Variants in KLF12 observed in about 807,000 individuals in gnomAD.
KLF12 encodes the protein Krueppel-like factor 12.
KLF12 carries 9 observed loss-of-function variants against 37.8 expected under a neutral mutation model. The observed-to-expected ratio is 0.24, with a 90% CI of 0.14 to 0.42. KLF12 has a LOEUF of 0.42. Ranked by LOEUF, KLF12 falls within the 10% of genes least tolerant of loss-of-function variation. KLF12 has a pLI of 1.00. For missense variants in KLF12, 411 were observed against 516.0 expected (o/e 0.80, Z 1.97); for synonymous variants, 208 against 202.1 (o/e 1.03, Z -0.25).
chr13:74,251,668 G>C, the KLF12 span, among the ~76,000 whole-genome samples: 1 of 152,072 alleles, frequency 6.6e-6, no homozygotes. Flanking sequence ...TGGCTCCCCA[G>C]TTGGCTGACT....
chr13:74,028,403 C>T (rs889134908), intron 1 of KLF12, among the ~76,000 whole-genome samples: 20 of 152,102 alleles, frequency 1.3e-4, no homozygotes, highest in Admixed American at 3.3e-4. Context: ...AAATGACCTG[C>T]GTATGCAGAA....
chr13:74,092,449 C>A (rs1344551756), intron 1 of KLF12, among the ~76,000 whole-genome samples: 1 of 137,738 alleles, frequency 7.3e-6, no homozygotes, highest in Non-Finnish European at 1.6e-5. Flanking sequence ...CATGGTGAAA[C>A]CCCGTCTCTA....
chr13:74,060,501 T>C (rs973694683), intron 1 of KLF12, among the ~76,000 whole-genome samples: 1 of 147,594 alleles, frequency 6.8e-6, no homozygotes, highest in Non-Finnish European at 1.5e-5. Flanking sequence ...TGTGTGTGTG[T>C]GTGTGTGTGT....
intron 1 of KLF12, among the ~76,000 whole-genome samples, chr13:74,036,214 T>C (rs544048021): frequency 6.6e-6 from 1 of 152,306 alleles, no homozygotes; most frequent in Non-Finnish European, 1.5e-5. Flanking sequence ...TACTTAAATA[T>C]TCCATGGCCT....
At chr13:73,753,165 C>A (rs1338839015) in intron 6 of KLF12, among the ~76,000 whole-genome samples, 1 of 152,150 alleles carries the variant, frequency 6.6e-6, no homozygotes, top group Admixed American at 6.5e-5. Flanking sequence ...CCGTCCCACC[C>A]AGACTGCGGA....
chr13:74,209,654 A>G, the KLF12 span, among the ~76,000 whole-genome samples: 6 of 152,128 alleles, frequency 3.9e-5, no homozygotes, highest in Admixed American at 3.3e-4. Flanking sequence ...TCTTAGGACT[A>G]TGATTGTAAA....
chr13:74,111,181 GAAT>G (rs1876954601), intron 1 of KLF12, among the ~76,000 whole-genome samples: 2 of 150,360 alleles, frequency 1.3e-5, no homozygotes, highest in African/African-American at 2.4e-5. Context: ...AGAATAATAA[GAAT>G]AATATAAGTT....
chr13:73,752,801 C>T (rs1318941774), intron 6 of KLF12, among the ~76,000 whole-genome samples: 1 of 150,820 alleles, frequency 6.6e-6, no homozygotes, highest in South Asian at 2.1e-4. Flanking sequence ...ACTGTAACCT[C>T]TGCCTCCCGG....
intron 2 of KLF12, among the ~76,000 whole-genome samples, chr13:73,968,703 A>C (rs1891240923): frequency 6.6e-6 from 1 of 152,152 alleles, no homozygotes; most frequent in Admixed American, 6.6e-5. Flanking sequence ...ATTTTTGCAA[A>C]CTCCACGAGG....
chr13:74,012,217 A>T lies in KLF12; in HGVS notation c.-31-17164T>A, dbSNP rs181233231. ...TACCTAATTTTTATCTCACCAGATT[A>T]TCAACCTTTAGTTCTTAGAAAATTC... On this transcript the variant is annotated intron_variant, in intron 1 of 7. Transcript: ENST00000377669. Among the ~76,000 whole-genome samples, 382 of 152,332 alleles carry T rather than the reference A, an allele frequency of 2.5e-3. 3 individuals are homozygous for T. Among genetic ancestry groups the T allele is most frequent in the Non-Finnish European group, 3.8e-3 (261 of 68,036 alleles).
At chr13:73,759,698 G>C (rs564014944) in intron 6 of KLF12, among the ~76,000 whole-genome samples, 2 of 152,284 alleles carry the variant, frequency 1.3e-5, no homozygotes, top group East Asian at 3.9e-4. Context: ...TTTATGCCTA[G>C]GTTTGGCATG....
chr13:73,879,852 A>C (rs1376191521), intron 3 of KLF12, among the ~76,000 whole-genome samples: 1 of 152,202 alleles, frequency 6.6e-6, no homozygotes, highest in African/African-American at 2.4e-5. Flanking sequence ...CAGCAGAGCA[A>C]GAGTCTTTGT....
At chr13:73,795,751 C>G (rs1267222960) in intron 5 of KLF12, among the ~76,000 whole-genome samples, 1 of 152,068 alleles carries the variant, frequency 6.6e-6, no homozygotes, top group Non-Finnish European at 1.5e-5. Flanking sequence ...AGGACTGTTA[C>G]AAAAGAAAAG....
the KLF12 span, among the ~76,000 whole-genome samples, chr13:74,217,305 A>G: frequency 9.7e-5 from 14 of 145,018 alleles, no homozygotes; most frequent in Admixed American, 9.5e-4. Flanking sequence ...GTGGCATAAT[A>G]GATGACTTTT....
At chr13:73,781,693 G>A (rs1245988452) in intron 5 of KLF12, among the ~76,000 whole-genome samples, 1 of 152,162 alleles carries the variant, frequency 6.6e-6, no homozygotes, top group Non-Finnish European at 1.5e-5. Flanking sequence ...GAAAGCAAGT[G>A]TCTTGACAGA....
At chr13:74,238,151 G>C in the KLF12 span, among the ~76,000 whole-genome samples, 12 of 132,242 alleles carry the variant, frequency 9.1e-5, 1 homozygote, top group South Asian at 2.3e-4. Flanking sequence ...TAGCATGAAG[G>C]GTTGTTGAAT....
chr13:73,909,087 G>A (rs546186909), intron 3 of KLF12, among the ~76,000 whole-genome samples: 9 of 152,262 alleles, frequency 5.9e-5, no homozygotes, highest in East Asian at 5.8e-4. Flanking sequence ...ACAACAATAC[G>A]TACTTGCTGA....
intron 5 of KLF12, among the ~76,000 whole-genome samples, chr13:73,784,640 T>C (rs1881200371): frequency 6.6e-6 from 1 of 150,842 alleles, no homozygotes; most frequent in Non-Finnish European, 1.5e-5. Flanking sequence ...CCTTTTTTTT[T>C]TTTTTTTTGA....
At chr13:74,152,387 A>G in the KLF12 span, among the ~76,000 whole-genome samples, 1 of 152,108 alleles carries the variant, frequency 6.6e-6, no homozygotes, top group Non-Finnish European at 1.5e-5. Flanking sequence ...CCTCTCAAAC[A>G]TTAGCTTTTA....
Sources: gnomAD v4.1 joint callset for allele counts (sites outside exome capture counted in the v4.1 genomes callset) on GRCh38, gnomAD v4.1.1 for gene constraint, MANE v1.5 for transcripts, NCBI Gene and HGNC (gene_info 2026-07-23, HGNC 2026-07-21) for gene names.